Variants in MDN1 observed in about 807,000 individuals in gnomAD.
MDN1 encodes the protein midasin.
Under a neutral mutation model 669.2 loss-of-function variants are expected in MDN1, and 266 were observed. The observed-to-expected ratio is 0.40, with a 90% CI of 0.36 to 0.44. MDN1 has a LOEUF of 0.44. Among genes scored for constraint, MDN1 ranks in the 20% least tolerant of loss-of-function variants. The pLI is 1.00. For synonymous variants in MDN1, 2,385 were observed against 2,457.1 expected (o/e 0.97, Z 0.87); for missense variants, 5,940 against 6,754.0 (o/e 0.88, Z 4.22).
chr6:89,759,695 C>T (rs1562189537), intron 17 of MDN1, among the ~76,000 whole-genome samples: 1 of 151,310 alleles, frequency 6.6e-6, no homozygotes, highest in Non-Finnish European at 1.5e-5. Flanking sequence ...ACCTGGGAGG[C>T]GGAGGTTGCA....
At chr6:89,734,691 A>AACGAGAGAGAGAGAGAG (rs1554188774) in intron 33 of MDN1, among the ~76,000 whole-genome samples, 1 of 112,996 alleles carries the variant, frequency 8.8e-6, no homozygotes, top group South Asian at 2.9e-4. Context: ...AAAAAAAAAC[A>AACGAGAGAGAGAGAGAG]AGAGAGAGAG....
At chr6:89,723,412 T>C (rs547480172) in intron 39 of MDN1, 100 bp downstream of exon 39, 1 of 785,746 alleles carries the variant, frequency 1.3e-6, no homozygotes, top group African/African-American at 1.8e-5. Flanking sequence ...TAATTTTTTT[T>C]AGTTAGAGAT....
At chr6:89,708,395 CA>C in intron 51 of MDN1, 100 bp downstream of exon 51, 1 of 1,431,144 alleles carries the variant, frequency 7.0e-7, no homozygotes, top group Non-Finnish European at 9.5e-7. Flanking sequence ...CTCAGGTTCA[CA>C]AAATTCAACA....
chr6:89,793,889 G>C lies in MDN1; in HGVS notation c.728C>G (p.Ser243Cys). 1 of 1,614,064 alleles carries C rather than the reference G, an allele frequency of 6.2e-7. No individual in the cohort carries two copies. The highest frequency in any genetic ancestry group is 8.5e-7 in the Non-Finnish European group (1 of 1,179,952). Residue 243 changes from serine (S) to cysteine (C), a missense_variant, in exon 5 of 102, where the codon TCC becomes TGC. Coordinates refer to ENST00000369393, the MANE Select transcript of MDN1 (RefSeq NM_014611.3). ...CAGCTCCTTCTGCTTACGCCAAAGGGAGACTTCTGGATTGGCCAAAACCAA... is the reference window on the plus strand; with the variant it reads ...CAGCTCCTTCTGCTTACGCCAAAGGCAGACTTCTGGATTGGCCAAAACCAA... The part of the protein sequence containing the change: ...KALVLANPEV[S>C]LWRKQKELQY...
In MDN1 at chr6:89,790,344, C is replaced by G; in HGVS notation, c.913G>C (p.Val305Leu). 6.2e-7 allele frequency: 1 copy of G among 1,614,128 alleles called. No individual in the cohort carries two copies. The highest frequency in any genetic ancestry group is 8.5e-7 in the Non-Finnish European group (1 of 1,180,040). Residue 305 changes from valine (V) to leucine (L), a missense_variant, in exon 6 of 102, where the codon GTT (valine) becomes CTT (leucine). This residue lies in a region of MDN1 where 1,203 missense variants were observed against 1,268.9 expected (regional missense o/e 0.95). Transcript: ENST00000369393. The stretch of plus-strand genomic sequence containing the variant: ...TGAAGACTTTTGCAGACAGACTCAA[C>G]CAGCACATAAGACCTAAGGGCCAGC... ...QELALRSYVL[V>L]ESVCKSLQTL...
intron 58 of MDN1, 93 bp from the exon 59 acceptor site, chr6:89,699,128 T>TC: frequency 8.4e-7 from 1 of 1,194,570 alleles, no homozygotes; most frequent in Non-Finnish European, 1.2e-6. Flanking sequence ...TCTAAAACTG[T>TC]CATAAGTTTA....
intron 59 of MDN1, among the ~76,000 whole-genome samples, chr6:89,698,329 G>C (rs1012283423): frequency 4.6e-5 from 7 of 152,208 alleles, no homozygotes; most frequent in Non-Finnish European, 1.0e-4. Flanking sequence ...AATGTGGCAT[G>C]CTTATTATAG....
chr6:89,714,482 G>C, intron 46 of MDN1, 61 bp downstream of exon 46: 1 of 1,346,044 alleles, frequency 7.4e-7, no homozygotes, highest in East Asian at 2.3e-5. Flanking sequence ...CAGTCCAATG[G>C]AATGACATAA....
chr6:89,685,760 C>T, intron 70 of MDN1, 67 bp downstream of exon 70: 1 of 1,551,794 alleles, frequency 6.4e-7, no homozygotes, highest in Admixed American at 1.8e-5. Context: ...CTGTCTCATG[C>T]AGAGAATTCA....
rs549632551 is a variant in MDN1 at position 89,764,717 on chromosome 6, C to A, written c.2145-2187G>T. Among the ~76,000 whole-genome samples, 58 of 152,188 alleles carry A rather than the reference C, an allele frequency of 3.8e-4. No homozygotes were observed. In the Middle Eastern group the frequency reaches 0.027, roughly 71 times the overall value. On this transcript the variant is annotated intron_variant, in intron 15 of 101. Coordinates refer to ENST00000369393, the MANE Select transcript of MDN1 (RefSeq NM_014611.3). ...TATCTGTGGGTGCAAGGAGGCCACACAGAAGAAATAGCAAGCATTTAGGTG... is the reference window on the plus strand; with the variant it reads ...TATCTGTGGGTGCAAGGAGGCCACAAAGAAGAAATAGCAAGCATTTAGGTG...
At chr6:89,696,023 T>C in intron 60 of MDN1, 31 bp from the exon 61 acceptor site, 1 of 1,576,904 alleles carries the variant, frequency 6.3e-7, no homozygotes, top group Non-Finnish European at 8.6e-7. Context: ...CACTGAAAGG[T>C]TTGTACTGTA....
At position 89,645,139 on chromosome 6, in the gene MDN1, A is replaced by G. The variant is rs1218160317; in HGVS notation, c.16478T>C (p.Leu5493Pro). The G allele has an allele frequency of 1.2e-6, 2 of 1,607,332 alleles. No individual in the cohort carries two copies. The highest frequency in any genetic ancestry group is 8.5e-7 in the Non-Finnish European group (1 of 1,174,278). The change falls in exon 101 of 102, where the codon CTG becomes CCG. Residue 5493 changes from leucine to proline, a missense_variant. Coordinates refer to ENST00000369393, the MANE Select transcript of MDN1 (RefSeq NM_014611.3). ...NISSETAQLL[L>P]VVSDGRGLFL... ...AAGGCCTCGCCCATCAGAGACTACC[A>G]GGAGGAGTTGTGCAGTTTCTGTAGA...
At chr6:89,792,509 G>A (rs922220327) in intron 5 of MDN1, among the ~76,000 whole-genome samples, 2 of 151,970 alleles carry the variant, frequency 1.3e-5, no homozygotes, top group African/African-American at 4.8e-5. Context: ...AGGATACGTG[G>A]GGGGTAAAGA....
chr6:89,739,931 A>G (rs1438014641), intron 32 of MDN1, among the ~76,000 whole-genome samples: 2 of 152,208 alleles, frequency 1.3e-5, no homozygotes. Flanking sequence ...AACTACAATA[A>G]TAACTTTCTT....
At chr6:89,657,313 T>C (rs953092634) in intron 90 of MDN1, among the ~76,000 whole-genome samples, 9 of 152,164 alleles carry the variant, frequency 5.9e-5, no homozygotes, top group African/African-American at 1.9e-4. Flanking sequence ...ATAAGCAATA[T>C]AAATGGTTGT....
At chr6:89,736,565 C>T (rs1348632445) in intron 33 of MDN1, among the ~76,000 whole-genome samples, 7 of 151,986 alleles carry the variant, frequency 4.6e-5, no homozygotes, top group East Asian at 1.9e-4. Context: ...GCAAAGCAGG[C>T]GGGTCACTCG....
At chr6:89,699,988 TTTA>T (rs1323181828) in intron 57 of MDN1, 72 bp downstream of exon 57, 1 of 1,392,742 alleles carries the variant, frequency 7.2e-7, no homozygotes, top group Non-Finnish European at 1.0e-6. Context: ...CTGTGGTTTG[TTTA>T]TGGGTATAGG....
At position 89,696,379 on chromosome 6, in the gene MDN1, A is replaced by G. The variant is rs757551572; in HGVS notation, c.9364T>C (p.Ser3122Pro). 1.9e-6 allele frequency: 3 copies of G among 1,614,156 alleles called. No individual in the cohort carries two copies. The highest frequency in any genetic ancestry group is 2.5e-6 in the Non-Finnish European group (3 of 1,180,016). ...SSMLWTNMAISSVAEFRRTDS... is the reference protein window; with the variant it reads ...SSMLWTNMAIPSVAEFRRTDS... ...GAATACCTGAATTCTGCTACTGAAGAGATAGCCATGTTAGTCCAAAGCATC... is the reference window on the plus strand; with the variant it reads ...GAATACCTGAATTCTGCTACTGAAGGGATAGCCATGTTAGTCCAAAGCATC... The change falls in exon 60 of 102, where the codon TCT becomes CCT. Residue 3122 changes from serine to proline, a missense_variant. This residue lies in a region of MDN1 where 2,292 missense variants were observed against 2,638.3 expected (regional missense o/e 0.87). Coordinates refer to ENST00000369393, the MANE Select transcript of MDN1 (RefSeq NM_014611.3).
Position 89,650,026 on chromosome 6 carries a change from G to C in MDN1, c.16204C>G (p.Gln5402Glu). Residue 5402 changes from glutamine to glutamate, a missense_variant and splice_region_variant, in exon 97 of 102, where the codon CAG becomes GAG. By Grantham distance (29) the Gln-to-Glu change is conservative. Around this residue, in one of 5 missense-constraint regions of MDN1, gnomAD observed 2,280 missense variants for 2,576.3 expected, o/e 0.88. Coordinates refer to ENST00000369393, the MANE Select transcript of MDN1 (RefSeq NM_014611.3). ...GCCACTGCATTTCTCTTCCTTACCTGCTTGGTATGATTGTCTACCATACTA... is the reference window on the plus strand; with the variant it reads ...GCCACTGCATTTCTCTTCCTTACCTCCTTGGTATGATTGTCTACCATACTA... ...SSSMVDNHTKQLAFESLAVIG... is the reference protein window; with the variant it reads ...SSSMVDNHTKELAFESLAVIG... 1 of 1,613,854 alleles carries C rather than the reference G, an allele frequency of 6.2e-7. No homozygotes were observed. Among genetic ancestry groups the C allele is most frequent in the Non-Finnish European group, 8.5e-7 (1 of 1,179,872 alleles).
Sources: gnomAD v4.1 joint callset for allele counts (sites outside exome capture counted in the v4.1 genomes callset) on GRCh38, gnomAD v4.1.1 for gene constraint, gnomAD v4.1.1 regional missense constraint, MANE v1.5 for transcripts, NCBI Gene and HGNC (gene_info 2026-07-23, HGNC 2026-07-21) for gene names.